The following GRM7 variants were observed in gnomAD, a reference collection of about 807,000 sequenced individuals.
The protein encoded by GRM7 is glutamate metabotropic receptor 7.
A neutral mutation model predicts 84.5 loss-of-function variants in GRM7; 35 were observed. The observed-to-expected ratio is 0.41, with a 90% CI of 0.32 to 0.55. The LOEUF (loss-of-function observed/expected upper bound fraction) is 0.55, where lower values mean the gene tolerates loss of function less well. Ranked by LOEUF, GRM7 falls within the 20% of genes least tolerant of loss-of-function variation. The pLI is 0.19. For missense variants in GRM7, 1,003 were observed against 1,194.6 expected (o/e 0.84, Z 2.36); for synonymous variants, 487 against 455.1 (o/e 1.07, Z -0.89).
intron 1 of GRM7, among the ~76,000 whole-genome samples, chr3:7,062,831 A>G (rs533317417): frequency 2.0e-4 from 31 of 151,902 alleles, no homozygotes; most frequent in African/African-American, 7.2e-4. Flanking sequence ...TGAATTTTAC[A>G]AAGTATTTAT....
chr3:7,411,045 G>A (rs1236910378), intron 4 of GRM7, among the ~76,000 whole-genome samples: 1 of 152,024 alleles, frequency 6.6e-6, no homozygotes, highest in African/African-American at 2.4e-5. Context: ...GCTTGTGGCT[G>A]CAATACCCCA....
intron 1 of GRM7, among the ~76,000 whole-genome samples, chr3:7,100,020 TATAC>T (rs921635388): frequency 2.7e-5 from 4 of 148,874 alleles, no homozygotes; most frequent in Admixed American, 2.0e-4. Flanking sequence ...ATATATGTAA[TATAC>T]ATATATATGC....
At position 7,047,398 on chromosome 3, in the gene GRM7, T is replaced by C. The variant is rs149519877; in HGVS notation, c.520-99054T>C. Among the ~76,000 whole-genome samples the C allele has an allele frequency of 3.4e-3, 517 of 152,164 alleles. 1 individual carries two copies. The highest frequency in any genetic ancestry group is 0.011 in the African/African-American group (476 of 41,552). On this transcript the variant is annotated intron_variant, in intron 1 of 9. Transcript: ENST00000357716. ...AGAGCTACCATGCCACTGGGAAATA[T>C]GTGTTTGCTTTTAAAATTGAGCTTA...
intron 1 of GRM7, among the ~76,000 whole-genome samples, chr3:7,096,904 C>G (rs1192125386): frequency 1.3e-5 from 2 of 152,104 alleles, no homozygotes; most frequent in Non-Finnish European, 2.9e-5. Context: ...TCATTAAAAT[C>G]ATTACATAGT....
intron 2 of GRM7, among the ~76,000 whole-genome samples, chr3:7,248,141 G>A (rs537048170): frequency 1.3e-5 from 2 of 152,244 alleles, no homozygotes; most frequent in South Asian, 2.1e-4. Context: ...AATAATGAAA[G>A]CATGTCCACT....
chr3:7,534,800 C>T (rs147898054), intron 7 of GRM7, among the ~76,000 whole-genome samples: 296 of 152,120 alleles, frequency 1.9e-3, no homozygotes, highest in Middle Eastern at 3.4e-3. Context: ...TGTGGAAATC[C>T]AGGGGTGTCA....
At chr3:7,064,092 A>T (rs1697532344) in intron 1 of GRM7, among the ~76,000 whole-genome samples, 1 of 151,078 alleles carries the variant, frequency 6.6e-6, no homozygotes, top group African/African-American at 2.4e-5. Flanking sequence ...ATTTTATTTT[A>T]TGTATTCTTT....
rs1694171629 is a variant in GRM7 at position 7,148,272 on chromosome 3, CAT to C, written c.736+1607_736+1608del. 2.0e-5 allele frequency among the ~76,000 whole-genome samples: 3 copies of C among 152,004 alleles called. No homozygotes were observed. In the South Asian group the frequency reaches 6.2e-4, roughly 32 times the overall value. On this transcript the variant is annotated intron_variant, in intron 2 of 9. Transcript: ENST00000357716. ...CTAAGGCTGGAGGCTGACTTAGAAA[CAT>C]ATCAAAAATTTCAGGATAGAATTGA...
chr3:6,918,405 C>G (rs909166011), intron 1 of GRM7, among the ~76,000 whole-genome samples: 3 of 152,100 alleles, frequency 2.0e-5, no homozygotes, highest in African/African-American at 7.2e-5. Context: ...TTAGGTTGGA[C>G]GTATTCTGTT....
chr3:7,353,073 A>G (rs1693231621), intron 4 of GRM7, among the ~76,000 whole-genome samples: 2 of 152,052 alleles, frequency 1.3e-5, no homozygotes, highest in South Asian at 2.1e-4. Flanking sequence ...TGGGCTGTGT[A>G]TGTGCAGTAG....
rs138556743 is a variant in GRM7 at position 7,574,093 on chromosome 3, T to C, written c.1516-4329T>C. Among the ~76,000 whole-genome samples, 157 of 152,186 alleles carry C rather than the reference T, an allele frequency of 1.0e-3. 2 individuals carry two copies. Among genetic ancestry groups the C allele is most frequent in the Admixed American group, 7.7e-3 (117 of 15,288 alleles). On this transcript the variant is annotated intron_variant, in intron 7 of 9. Transcript: ENST00000357716. ...CTTTTTAATCTGTCTTTTTGTCTTC[T>C]TTATTTTTATTTTATTTTTATTATT... is the stretch of plus-strand genomic sequence containing the variant.
chr3:7,683,562 A>G (rs574177744), intron 9 of GRM7, among the ~76,000 whole-genome samples: 1 of 152,166 alleles, frequency 6.6e-6, no homozygotes, highest in African/African-American at 2.4e-5. Context: ...TGATGACCCA[A>G]CTCTCAAAAG....
At chr3:7,515,690 C>G (rs1463489969) in intron 7 of GRM7, among the ~76,000 whole-genome samples, 1 of 152,128 alleles carries the variant, frequency 6.6e-6, no homozygotes, top group East Asian at 1.9e-4. Context: ...CTTGAGGACT[C>G]ACAAGTAATC....
intron 1 of GRM7, among the ~76,000 whole-genome samples, chr3:7,037,189 C>A (rs1026412484): frequency 6.6e-6 from 1 of 152,172 alleles, no homozygotes; most frequent in African/African-American, 2.4e-5. Context: ...TGACTGGCTG[C>A]TAATGGGCTT....
intron 7 of GRM7, among the ~76,000 whole-genome samples, chr3:7,547,228 A>G (rs779734): frequency 0.46 from 51,760 of 113,444 alleles, 11,430 homozygotes; most frequent in Middle Eastern, 0.55. Flanking sequence ...TTTTTTTGAG[A>G]CGGAGTCTCA....
chr3:6,882,627 A>AT (rs1030026779), intron 1 of GRM7, among the ~76,000 whole-genome samples: 33 of 152,320 alleles, frequency 2.2e-4, no homozygotes, highest in African/African-American at 5.1e-4. Flanking sequence ...CATTCTTGAG[A>AT]TATTTTTGTT....
intron 1 of GRM7, among the ~76,000 whole-genome samples, chr3:7,122,988 C>T (rs1170340695): frequency 6.6e-6 from 1 of 152,132 alleles, no homozygotes; most frequent in Admixed American, 6.6e-5. Context: ...CTCCTTTTCC[C>T]TGTTGAGACA....
chr3:7,201,856 T>A (rs1696078861), intron 2 of GRM7, among the ~76,000 whole-genome samples: 1 of 152,192 alleles, frequency 6.6e-6, no homozygotes, highest in African/African-American at 2.4e-5. Context: ...AATTCTTAGT[T>A]AAAACAATAG....
intron 2 of GRM7, among the ~76,000 whole-genome samples, chr3:7,181,999 C>T (rs900961822): frequency 6.6e-6 from 1 of 152,078 alleles, no homozygotes; most frequent in African/African-American, 2.4e-5. Context: ...TTAACAATGG[C>T]CTTGGTACAA....
Sources: gnomAD v4.1 joint callset for allele counts (sites outside exome capture counted in the v4.1 genomes callset) on GRCh38, gnomAD v4.1.1 for gene constraint, MANE v1.5 for transcripts, NCBI Gene and HGNC (gene_info 2026-07-23, HGNC 2026-07-21) for gene names.